The following MYBPC2 variants were observed in gnomAD, a reference collection of about 807,000 sequenced individuals.
MYBPC2 encodes the protein myosin binding protein C2.
A neutral mutation model predicts 137.0 loss-of-function variants in MYBPC2; 122 were observed. The observed-to-expected ratio is 0.89, with a 90% CI of 0.77 to 1.03. MYBPC2 has a LOEUF of 1.03. Among genes scored for constraint, MYBPC2 ranks in the 50% least tolerant of loss-of-function variants. MYBPC2 has a pLI of 0.00. For missense variants in MYBPC2, 1,500 were observed against 1,534.4 expected (o/e 0.98, Z 0.37); for synonymous variants, 626 against 612.3 (o/e 1.02, Z -0.33).
rs117727035 is a variant in MYBPC2, at chr19:50,445,281, G to A, written c.1134-599G>A. On this transcript the variant is annotated intron_variant, in intron 11 of 27. Transcript: ENST00000357701. ...TGAGACCCCAGGGCTTCCTCTGTGC[G>A]GACCTCTCCCCATGACATCTTTTTG... Among the ~76,000 whole-genome samples the A allele has an allele frequency of 9.2e-3, 1,395 of 152,136 alleles. 9 individuals are homozygous for A. Among genetic ancestry groups the A allele is most frequent in the Non-Finnish European group, 0.014 (975 of 67,996 alleles).
intron 13 of MYBPC2, 121 bp from the exon 14 acceptor site, chr19:50,450,708 A>G (rs895841052): frequency 1.5e-6 from 1 of 681,522 alleles, no homozygotes; most frequent in South Asian, 2.0e-5. Flanking sequence ...AGCGTTCCAA[A>G]GCCCTGGATA....
At position 50,452,012 on chromosome 19, in the gene MYBPC2, G is replaced by A. The variant is rs2122601485; in HGVS notation, c.1749+9G>A. 1 of 1,551,836 alleles carries A rather than the reference G, an allele frequency of 6.4e-7. No homozygotes were observed. Among genetic ancestry groups the A allele is most frequent in the South Asian group, 1.2e-5 (1 of 84,056 alleles). On this transcript the variant is annotated intron_variant, in intron 16 of 27. Transcript: ENST00000357701. ...GGCTGAAGGGAGATGAGGTGGGTTG[G>A]GGCCGCCCCTCTGTCCTCACTCCCT...
At chr19:50,438,006 A>G (rs1471352148) in intron 7 of MYBPC2, among the ~76,000 whole-genome samples, 1 of 151,174 alleles carries the variant, frequency 6.6e-6, no homozygotes, top group African/African-American at 2.4e-5. Context: ...TCTCACACCC[A>G]CTCTGCTGTT....
intron 9 of MYBPC2, among the ~76,000 whole-genome samples, chr19:50,442,817 G>T (rs746060374): frequency 4.0e-5 from 6 of 151,762 alleles, no homozygotes; most frequent in Non-Finnish European, 8.8e-5. Context: ...CGCTCTTGTT[G>T]CCCAGGCTGG....
chr19:50,441,687 A>G (rs1314081809), intron 8 of MYBPC2, among the ~76,000 whole-genome samples: 1 of 151,838 alleles, frequency 6.6e-6, no homozygotes, highest in Non-Finnish European at 1.5e-5. Flanking sequence ...TAAAAATACA[A>G]AAGTCAGCCG....
chr19:50,459,278 C>T lies in MYBPC2; in HGVS notation c.2763C>T (p.Asp921=), dbSNP rs1439880315. ...GCGTGCAGATCGAGAACATGAAGGACACCGCCACCATCCGCATCCGCGTTG... is the reference window on the plus strand; with the variant it reads ...GCGTGCAGATCGAGAACATGAAGGATACCGCCACCATCCGCATCCGCGTTG... ...ELSVQIENMK[D]TATIRIRVVE... Residue 921 remains aspartate (D), a synonymous_variant, in exon 23 of 28, where the codon GAC becomes GAT. Coordinates refer to ENST00000357701, the MANE Select transcript of MYBPC2 (RefSeq NM_004533.4). 9 of 1,608,330 alleles carry T rather than the reference C, an allele frequency of 5.6e-6. No individual in the cohort carries two copies. Among genetic ancestry groups the T allele is most frequent in the Admixed American group, 3.4e-5 (2 of 59,654 alleles).
At chr19:50,434,577 G>A (rs1312862181) in intron 1 of MYBPC2, among the ~76,000 whole-genome samples, 1 of 152,178 alleles carries the variant, frequency 6.6e-6, no homozygotes, top group East Asian at 1.9e-4. Context: ...CTTTTTGCGG[G>A]GTTTGGGGAC....
intron 1 of MYBPC2, among the ~76,000 whole-genome samples, chr19:50,433,292 G>A (rs2039673517): frequency 6.6e-6 from 1 of 152,086 alleles, no homozygotes; most frequent in Non-Finnish European, 1.5e-5. Flanking sequence ...GTGATTGGGG[G>A]GGCATCTCTG....
At chr19:50,445,229 C>T (rs1178605743) in intron 11 of MYBPC2, among the ~76,000 whole-genome samples, 3 of 152,062 alleles carry the variant, frequency 2.0e-5, no homozygotes, top group Non-Finnish European at 4.4e-5. Context: ...AAACCACTGA[C>T]AGAGGCCACA....
In MYBPC2 at chr19:50,464,468, T is replaced by G; in HGVS notation, c.3351T>G (p.Thr1117=). 1 of 1,613,124 alleles carries G rather than the reference T, an allele frequency of 6.2e-7. No individual in the cohort carries two copies. The highest frequency in any genetic ancestry group is 8.5e-7 in the Non-Finnish European group (1 of 1,179,656). The change falls in exon 27 of 28, where the codon ACT becomes ACG. Residue 1117 remains threonine (T), a synonymous_variant. Transcript: ENST00000357701. ...IRRPSPFDAG[T]YTCRAVNELG... ...GCCCCTCGCCCTTCGACGCTGGGAC[T>G]TACACCTGCCGGGCCGTCAACGAGC...
chr19:50,461,031 TCTTA>T (rs2039967270), intron 24 of MYBPC2, among the ~76,000 whole-genome samples: 1 of 147,764 alleles, frequency 6.8e-6, no homozygotes, highest in Non-Finnish European at 1.5e-5. Flanking sequence ...TGAGACAGGG[TCTTA>T]CTCTGTCACC....
In MYBPC2 at chr19:50,461,571, G is replaced by T. The variant is rs931320986; in HGVS notation, c.2961G>T (p.Arg987Ser). 2 of 1,613,530 alleles carry T rather than the reference G, an allele frequency of 1.2e-6. No individual in the cohort carries two copies. Among genetic ancestry groups the T allele is most frequent in the African/African-American group, 2.7e-5 (2 of 74,864 alleles). ...GGTTCAACGTCTATGAACGTAACAG[G>T]CACACTAGCTGTACTGTGTCCGACC... ...MEWFNVYERNRHTSCTVSDLI... is the reference protein window; with the variant it reads ...MEWFNVYERNSHTSCTVSDLI... Residue 987 changes from arginine to serine, a missense_variant, in exon 25 of 28, where the codon AGG becomes AGT. Coordinates refer to ENST00000357701, the MANE Select transcript of MYBPC2 (RefSeq NM_004533.4).
intron 26 of MYBPC2, 153 bp from the exon 27 acceptor site, chr19:50,464,193 G>C: frequency 1.5e-6 from 1 of 646,716 alleles, no homozygotes; most frequent in South Asian, 2.0e-5. Flanking sequence ...TACATAAGAG[G>C]AGACTGAGGG....
Position 50,454,329 on chromosome 19 carries a change from C to A in MYBPC2, c.1974C>A (p.Val658=). ...TTGGAGAGGATTGGGCCATCCTTGTCTGGGAGCCACCAATGTACGATGGGG... is the reference window on the plus strand; with the variant it reads ...TTGGAGAGGATTGGGCCATCCTTGTATGGGAGCCACCAATGTACGATGGGG... ...TSVGEDWAIL[V]WEPPMYDGGK... is the part of the protein sequence containing the mutation. Residue 658 remains valine, a synonymous_variant, in exon 18 of 28, where the codon GTC becomes GTA. Transcript: ENST00000357701. 1 of 1,612,732 alleles carries A rather than the reference C, an allele frequency of 6.2e-7. No homozygotes were observed. Among genetic ancestry groups the A allele is most frequent in the East Asian group, 2.2e-5 (1 of 44,844 alleles).
chr19:50,435,373 G>C lies in MYBPC2; in HGVS notation c.109+123G>C. 1.5e-6 allele frequency: 1 copy of C among 658,314 alleles called. No homozygotes were observed. The allele number at this position is 658,314 out of a possible 1,614,324, so 40.8% of individuals were successfully genotyped here. Reference sequence around the variant, plus strand: ...TCTGTCCCCGCACAGCCCCAGGGCTGACCCACGCCTCCCGTGCTCCCAGCC... The same window carrying C: ...TCTGTCCCCGCACAGCCCCAGGGCTCACCCACGCCTCCCGTGCTCCCAGCC... On this transcript the variant is annotated intron_variant, in intron 2 of 27. Coordinates refer to ENST00000357701, the MANE Select transcript of MYBPC2 (RefSeq NM_004533.4). The surrounding 1 kb of genome is among the most constrained non-coding windows in gnomAD (Gnocchi z 4.8).
At chr19:50,439,932 G>A (rs544886889) in intron 7 of MYBPC2, among the ~76,000 whole-genome samples, 10 of 152,334 alleles carry the variant, frequency 6.6e-5, no homozygotes, top group African/African-American at 1.9e-4. Flanking sequence ...AGAGGAGTCT[G>A]GGAGGAAGAG....
intron 26 of MYBPC2, among the ~76,000 whole-genome samples, 176 bp downstream of exon 26, chr19:50,462,212 G>T (rs2039979112): frequency 6.6e-6 from 1 of 151,324 alleles, no homozygotes; most frequent in Non-Finnish European, 1.5e-5. Flanking sequence ...TTTGAGACAG[G>T]GTCTTGCTGT....
chr19:50,449,988 C>T (rs886531087), intron 13 of MYBPC2, among the ~76,000 whole-genome samples: 1 of 152,052 alleles, frequency 6.6e-6, no homozygotes, highest in African/African-American at 2.4e-5. Context: ...AAACCCCCAT[C>T]TCTACAAAAA....
In MYBPC2 at chr19:50,460,134, T is replaced by A. The variant is rs2039958919; in HGVS notation, c.2886T>A (p.Ser962Arg). ...EWQAPKDDGN[S>R]EIMGYFVQKA... ...AGGCCCCCAAAGATGATGGGAACAG[T>A]GAGATCATGGGGTATTTCGTCCAGA... Residue 962 changes from serine to arginine, a missense_variant, in exon 24 of 28, where the codon AGT becomes AGA. Transcript: ENST00000357701. 6 of 1,581,342 alleles carry A rather than the reference T, an allele frequency of 3.8e-6. No individual in the cohort carries two copies. The South Asian group carries it at 4.6e-5, about 12-fold the overall frequency.
Sources: allele counts gnomAD v4.1 joint callset (sites outside exome capture counted in the v4.1 genomes callset), GRCh38; gene constraint gnomAD v4.1.1; non-coding constraint Gnocchi (gnomAD v3.1); transcripts MANE v1.5; gene names NCBI Gene and HGNC (gene_info 2026-07-23, HGNC 2026-07-21).